ERBIN: variants seen among roughly 807,000 people sequenced by gnomAD.
ERBIN encodes the protein densin-180-like protein.
In ERBIN, 60 loss-of-function variants were observed where a neutral mutation model predicts 158.4. The observed-to-expected ratio is 0.38, with a 90% CI of 0.31 to 0.47. ERBIN has a LOEUF of 0.47. Ranked by LOEUF, ERBIN falls within the 20% of genes least tolerant of loss-of-function variation. The pLI is 0.99. For missense variants in ERBIN, 1,610 were observed against 1,648.0 expected (o/e 0.98, Z 0.40); for synonymous variants, 594 against 557.2 (o/e 1.07, Z -0.93).
chr5:66,036,812 A>G (rs1757443291), intron 14 of ERBIN, among the ~76,000 whole-genome samples: 1 of 152,216 alleles, frequency 6.6e-6, no homozygotes, highest in Admixed American at 6.5e-5. Flanking sequence ...TAGTAATAGA[A>G]TATGTGAAAT....
intron 14 of ERBIN, among the ~76,000 whole-genome samples, chr5:66,036,997 C>T (rs1042317540): frequency 6.6e-6 from 1 of 152,036 alleles, no homozygotes; most frequent in African/African-American, 2.4e-5. Context: ...TTAAAGGATA[C>T]AATTCAGTGG....
rs200419676 is a variant in ERBIN, at chr5:66,053,626, C to T, written c.2308C>T (p.Leu770Phe). Residue 770 changes from leucine (L) to phenylalanine (F), a missense_variant, in exon 21 of 26, where the codon CTT (leucine) becomes TTT (phenylalanine). Physicochemically the swap from Leu to Phe is conservative, Grantham distance 22. Around this residue, in one of 2 missense-constraint regions of ERBIN, gnomAD observed 1,014 missense variants for 936.1 expected, o/e 1.08. Coordinates refer to ENST00000284037, the MANE Select transcript of ERBIN (RefSeq NM_001253697.2). Reference sequence around the variant, plus strand: ...TCATATCAATATGAATCTTAATAAACTTATAACTAATGATACATTTCAACC... The same window carrying T: ...TCATATCAATATGAATCTTAATAAATTTATAACTAATGATACATTTCAACC... ...LDHINMNLNK[L>F]ITNDTFQPEI... The T allele has an allele frequency of 5.0e-6, 8 of 1,612,102 alleles. No homozygotes were observed.
At chr5:65,968,826 G>T (rs1309723681) in intron 1 of ERBIN, among the ~76,000 whole-genome samples, 1 of 152,184 alleles carries the variant, frequency 6.6e-6, no homozygotes, top group Non-Finnish European at 1.5e-5. Context: ...CTCCCAAAGT[G>T]CTGGGATTAC....
intron 7 of ERBIN, among the ~76,000 whole-genome samples, chr5:66,020,154 A>G (rs1345801731): frequency 6.6e-6 from 1 of 152,040 alleles, no homozygotes; most frequent in Non-Finnish European, 1.5e-5. Flanking sequence ...AATTGGCATT[A>G]TGAGATGAAT....
At chr5:66,005,526 A>G (rs1302059475) in intron 4 of ERBIN, among the ~76,000 whole-genome samples, 1 of 152,210 alleles carries the variant, frequency 6.6e-6, no homozygotes. Flanking sequence ...GTCAATAAAA[A>G]GAAGGCTAAA....
intron 4 of ERBIN, among the ~76,000 whole-genome samples, chr5:66,002,533 G>T (rs554019893): frequency 3.3e-5 from 5 of 152,226 alleles, no homozygotes; most frequent in African/African-American, 1.2e-4. Flanking sequence ...AAAATGCCAG[G>T]GATTACAAGG....
intron 4 of ERBIN, among the ~76,000 whole-genome samples, chr5:66,002,667 G>C (rs1159209183): frequency 3.3e-5 from 5 of 152,060 alleles, no homozygotes; most frequent in African/African-American, 1.2e-4. Context: ...AAAGTTTGTG[G>C]TCAAAGCAGA....
chr5:66,069,042 A>G (rs1202025205), intron 21 of ERBIN: 1 of 1,476,768 alleles, frequency 6.8e-7, no homozygotes, highest in South Asian at 1.4e-5. Flanking sequence ...CACTAGACCA[A>G]TACTTTTAGC....
chr5:65,939,411 T>C (rs1744504727), intron 1 of ERBIN, among the ~76,000 whole-genome samples: 1 of 152,150 alleles, frequency 6.6e-6, no homozygotes, highest in South Asian at 2.1e-4. Flanking sequence ...CATTCCAGCC[T>C]GGGCAACAGG....
intron 4 of ERBIN, among the ~76,000 whole-genome samples, chr5:66,007,512 G>A (rs570615033): frequency 1.7e-4 from 26 of 150,916 alleles, no homozygotes; most frequent in East Asian, 5.9e-4. Context: ...AAACCTGCAC[G>A]TTGTGCACAT....
chr5:65,995,994 A>G (rs1241132050), intron 4 of ERBIN, among the ~76,000 whole-genome samples: 1 of 152,178 alleles, frequency 6.6e-6, no homozygotes, highest in African/African-American at 2.4e-5. Flanking sequence ...TTAGTTTCTT[A>G]CATATTTTGA....
intron 1 of ERBIN, among the ~76,000 whole-genome samples, chr5:65,963,211 T>G (rs1175893037): frequency 6.6e-6 from 1 of 152,228 alleles, no homozygotes; most frequent in Non-Finnish European, 1.5e-5. Flanking sequence ...AATTACTTTT[T>G]TATTCTTTTG....
chr5:65,936,779 A>G (rs1390467337), intron 1 of ERBIN, among the ~76,000 whole-genome samples: 1 of 152,236 alleles, frequency 6.6e-6, no homozygotes, highest in African/African-American at 2.4e-5. Context: ...ACATAGAAAT[A>G]TAGAACATAG....
chr5:65,948,762 GTTTT>G (rs59712256), intron 1 of ERBIN, among the ~76,000 whole-genome samples: 12 of 105,618 alleles, frequency 1.1e-4, no homozygotes, highest in African/African-American at 2.2e-4. Context: ...TCTGTTTTGC[GTTTT>G]TTTTTTTTTT....
intron 21 of ERBIN, among the ~76,000 whole-genome samples, chr5:66,062,573 C>T (rs917512195): frequency 5.9e-5 from 9 of 152,140 alleles, no homozygotes; most frequent in African/African-American, 9.7e-5. Flanking sequence ...AGCTTTGTTC[C>T]GTTGCTGGTG....
intron 1 of ERBIN, among the ~76,000 whole-genome samples, chr5:65,985,541 T>C (rs1202325253): frequency 6.6e-6 from 1 of 152,244 alleles, no homozygotes; most frequent in Non-Finnish European, 1.5e-5. Context: ...GATTTGTTTT[T>C]CTTCCTCATG....
Position 66,082,310 on chromosome 5 carries a change from T to A in ERBIN, c.*3780T>A, listed in dbSNP as rs1762419118. On this transcript the variant is annotated 3_prime_UTR_variant, in exon 26 of 26. Coordinates refer to ENST00000284037, the MANE Select transcript of ERBIN (RefSeq NM_001253697.2). Reference sequence around the variant, plus strand: ...AATACTCCTGAACCTTTCTATAGAATCTTTAGGAGAGAGGCTGACAAAAAG... The same window carrying A: ...AATACTCCTGAACCTTTCTATAGAAACTTTAGGAGAGAGGCTGACAAAAAG... 6.6e-6 allele frequency: 1 copy of A among 152,190 alleles called. No individual in the cohort carries two copies. Among genetic ancestry groups the A allele is most frequent in the African/African-American group, 2.4e-5 (1 of 41,430 alleles). The allele number at this position is 152,190 out of a possible 1,614,324, so 9.4% of individuals were successfully genotyped here.
At chr5:66,068,050 C>T (rs958930945) in intron 21 of ERBIN, among the ~76,000 whole-genome samples, 9 of 151,950 alleles carry the variant, frequency 5.9e-5, no homozygotes, top group African/African-American at 9.7e-5. Flanking sequence ...AAATGTGGTC[C>T]GGCACAGTGG....
intron 1 of ERBIN, among the ~76,000 whole-genome samples, chr5:65,954,696 A>C (rs1003150734): frequency 1.3e-5 from 2 of 152,142 alleles, no homozygotes; most frequent in Non-Finnish European, 2.9e-5. Context: ...ACGAAAGTTT[A>C]AAAATTGAGT....
Sources: gnomAD v4.1 joint callset for allele counts (sites outside exome capture counted in the v4.1 genomes callset) on GRCh38, gnomAD v4.1.1 for gene constraint, gnomAD v4.1.1 regional missense constraint, MANE v1.5 for transcripts, NCBI Gene and HGNC (gene_info 2026-07-23, HGNC 2026-07-21) for gene names.